Variants in CHODL observed in about 807,000 individuals in gnomAD.
CHODL encodes the protein transmembrane protein MT75.
A neutral mutation model predicts 34.5 loss-of-function variants in CHODL; 29 were observed. The observed-to-expected ratio is 0.84, with a 90% CI of 0.63 to 1.15. The LOEUF (loss-of-function observed/expected upper bound fraction) is 1.15, where lower values mean the gene tolerates loss of function less well. Among genes scored for constraint, CHODL ranks in the 50% most tolerant of loss-of-function variants. The pLI is 0.00. For missense variants in CHODL, 332 were observed against 332.5 expected, an observed-to-expected ratio of 1.00 and a Z score of 0.01; for synonymous variants, 125 against 116.1, an observed-to-expected ratio of 1.08 and a Z score of -0.49.
At chr21:18,237,368 G>A (rs2074038184) in intron 2 of CHODL, among the ~76,000 whole-genome samples, 1 of 152,084 alleles carries the variant, frequency 6.6e-6, no homozygotes, top group Non-Finnish European at 1.5e-5. Context: ...TGCAGAATAG[G>A]AAGCAAACAT....
intron 2 of CHODL, among the ~76,000 whole-genome samples, chr21:18,072,975 G>C (rs1327396035): frequency 6.6e-6 from 1 of 151,856 alleles, no homozygotes; most frequent in Non-Finnish European, 1.5e-5. Flanking sequence ...TTTATATTTT[G>C]ATACATAAAA....
intron 1 of CHODL, among the ~76,000 whole-genome samples, chr21:17,969,407 T>G (rs1406541721): frequency 1.3e-5 from 2 of 152,234 alleles, no homozygotes; most frequent in Non-Finnish European, 2.9e-5. Context: ...TAACATTGTA[T>G]TATGAATGCC....
At chr21:18,260,344 G>T (rs979001395) in intron 4 of CHODL, 58 bp downstream of exon 4, 2 of 1,087,950 alleles carry the variant, frequency 1.8e-6, no homozygotes, top group Non-Finnish European at 1.3e-6. Context: ...TTCAAACGCT[G>T]CTTCATGTTG....
intron 2 of CHODL, among the ~76,000 whole-genome samples, chr21:18,119,744 AT>A (rs2065457408): frequency 6.6e-6 from 1 of 152,146 alleles, no homozygotes; most frequent in South Asian, 2.1e-4. Context: ...AGGGATGGAA[AT>A]AAATAGAAAT....
chr21:18,132,574 T>C (rs890785282), intron 2 of CHODL, among the ~76,000 whole-genome samples: 2 of 152,148 alleles, frequency 1.3e-5, no homozygotes, highest in African/African-American at 2.4e-5. Flanking sequence ...TAGATCTGAA[T>C]TTGTCCTCCC....
intron 1 of CHODL, among the ~76,000 whole-genome samples, chr21:17,943,939 C>T (rs527933667): frequency 5.3e-5 from 8 of 152,228 alleles, no homozygotes; most frequent in East Asian, 3.9e-4. Flanking sequence ...AGAAATGTGA[C>T]CAGTGCACAA....
At chr21:18,174,102 T>G (rs201669547) in intron 2 of CHODL, among the ~76,000 whole-genome samples, 86,047 of 94,120 alleles carry the variant, frequency 0.91, 39,741 homozygotes, top group Non-Finnish European at 0.97. Context: ...ATACAGGATA[T>G]ATATATATAT....
intron 2 of CHODL, among the ~76,000 whole-genome samples, chr21:18,083,277 C>T (rs886471983): frequency 6.6e-6 from 1 of 152,236 alleles, no homozygotes; most frequent in Non-Finnish European, 1.5e-5. Context: ...AATTTGGGAA[C>T]CTCTGCCTAG....
intron 2 of CHODL, among the ~76,000 whole-genome samples, chr21:18,188,386 G>A (rs529619454): frequency 1.3e-5 from 2 of 152,154 alleles, no homozygotes; most frequent in Admixed American, 1.3e-4. Context: ...TGTTCAATAG[G>A]CATTTCAAAC....
chr21:18,174,674 C>T (rs544680483), intron 2 of CHODL, among the ~76,000 whole-genome samples: 5 of 152,062 alleles, frequency 3.3e-5, no homozygotes, highest in African/African-American at 1.2e-4. Context: ...CCAGAAAGTT[C>T]CACTTGAATC....
At chr21:18,151,598 T>C (rs1207188842) in intron 2 of CHODL, among the ~76,000 whole-genome samples, 1 of 152,212 alleles carries the variant, frequency 6.6e-6, no homozygotes, top group East Asian at 1.9e-4. Context: ...AGTTTTAAAA[T>C]GGTCGATCAG....
intron 1 of CHODL, among the ~76,000 whole-genome samples, chr21:17,981,170 T>TAAAATA (rs1466895511): frequency 1.3e-5 from 2 of 152,194 alleles, no homozygotes; most frequent in Non-Finnish European, 2.9e-5. Flanking sequence ...AGTTATTTTT[T>TAAAATA]GTTATTGTTT....
At chr21:18,080,034 C>T (rs1038183600) in intron 2 of CHODL, among the ~76,000 whole-genome samples, 17 of 151,922 alleles carry the variant, frequency 1.1e-4, no homozygotes, top group African/African-American at 3.4e-4. Context: ...CCATTCTGAC[C>T]GGTCTAAGAT....
chr21:18,001,888 A>G (rs1425133235), intron 1 of CHODL, among the ~76,000 whole-genome samples: 1 of 152,002 alleles, frequency 6.6e-6, no homozygotes, highest in East Asian at 1.9e-4. Flanking sequence ...ACTTTTGAAG[A>G]AAATATCTGG....
At chr21:18,216,004 TTATC>T (rs766356020) in intron 2 of CHODL, among the ~76,000 whole-genome samples, 7 of 152,132 alleles carry the variant, frequency 4.6e-5, no homozygotes, top group Non-Finnish European at 8.8e-5. Context: ...TTGGTATTAT[TTATC>T]TTTTTCCTTT....
intron 2 of CHODL, among the ~76,000 whole-genome samples, chr21:18,028,586 C>T (rs2064210905): frequency 6.6e-6 from 1 of 150,434 alleles, no homozygotes; most frequent in Non-Finnish European, 1.5e-5. Context: ...GTAATCCCAG[C>T]TATTTGGGAG....
chr21:18,044,347 TAAAATATTA>T (rs1270214890), intron 2 of CHODL, among the ~76,000 whole-genome samples: 1 of 152,018 alleles, frequency 6.6e-6, no homozygotes, highest in African/African-American at 2.4e-5. Flanking sequence ...GCTAATAATT[TAAAATATTA>T]ATTTTTCTTC....
At chr21:17,956,299 C>T (rs2063493483) in intron 1 of CHODL, among the ~76,000 whole-genome samples, 1 of 134,922 alleles carries the variant, frequency 7.4e-6, no homozygotes. Flanking sequence ...TCATGCTTCT[C>T]CTGCCATGAC....
At chr21:18,030,737 A>G (rs1476998500) in intron 2 of CHODL, among the ~76,000 whole-genome samples, 1 of 152,146 alleles carries the variant, frequency 6.6e-6, no homozygotes, top group African/African-American at 2.4e-5. Context: ...CCTGAAATTT[A>G]TTGTATTCAA....
Sources: gnomAD v4.1 joint callset for allele counts (sites outside exome capture counted in the v4.1 genomes callset) on GRCh38, gnomAD v4.1.1 for gene constraint, MANE v1.5 for transcripts, NCBI Gene and HGNC (gene_info 2026-07-23, HGNC 2026-07-21) for gene names.